The following SPTBN1 variants were observed in gnomAD, a reference collection of about 807,000 sequenced individuals.
The protein encoded by SPTBN1 is spectrin beta chain, non-erythrocytic 1.
Under a neutral mutation model 266.4 loss-of-function variants are expected in SPTBN1, and 32 were observed. The observed-to-expected ratio is 0.12, with a 90% CI of 0.09 to 0.16. SPTBN1 has a LOEUF of 0.16. SPTBN1 is among the 10% of genes least tolerant of loss of function. The pLI is 1.00. For missense variants in SPTBN1, 2,296 were observed against 3,067.1 expected, an observed-to-expected ratio of 0.75 and a Z score of 5.94; for synonymous variants, 1,336 against 1,162.2, an observed-to-expected ratio of 1.15 and a Z score of -3.04.
chr2:54,628,696 G>T lies in SPTBN1; in HGVS notation c.1799-237G>T, dbSNP rs1172902762. Among the ~76,000 whole-genome samples, 4 of 152,142 alleles carry T rather than the reference G, an allele frequency of 2.6e-5. No individual in the cohort carries two copies. Among genetic ancestry groups the T allele is most frequent in the Non-Finnish European group, 5.9e-5 (4 of 68,028 alleles). ...TGATTCAAGTGCTTTCTTGCAGGAGGATGATCACTTTGTCTGCGGTTTGGC... is the reference window on the plus strand; with the variant it reads ...TGATTCAAGTGCTTTCTTGCAGGAGTATGATCACTTTGTCTGCGGTTTGGC... On this transcript the variant is annotated intron_variant, in intron 13 of 35. Transcript: ENST00000356805. The surrounding 1 kb of genome is among the most constrained non-coding windows in gnomAD (Gnocchi z 4.3).
chr2:54,641,328 GT>G (rs1679538471), intron 18 of SPTBN1, among the ~76,000 whole-genome samples: 1 of 152,118 alleles, frequency 6.6e-6, no homozygotes, highest in African/African-American at 2.4e-5. Context: ...TCCCTCTTGG[GT>G]AAGTGGTTAT....
At chr2:54,529,574 A>C in intron 2 of SPTBN1, 1 of 717,478 alleles carries the variant, frequency 1.4e-6, no homozygotes, top group Non-Finnish European at 2.6e-6. Context: ...CTATGCTATC[A>C]TCAAGTTTCC....
intron 1 of SPTBN1, chr2:54,516,390 G>A (rs1670110991): frequency 6.6e-6 from 1 of 152,192 alleles, no homozygotes. Flanking sequence ...AGGGTTTAGA[G>A]TCATCACCTC....
intron 3 of SPTBN1, among the ~76,000 whole-genome samples, chr2:54,609,129 A>G (rs926391692): frequency 2.6e-5 from 4 of 152,248 alleles, no homozygotes; most frequent in South Asian, 4.1e-4. Context: ...GAAATAACAC[A>G]AGCAGTCTTG....
intron 1 of SPTBN1, among the ~76,000 whole-genome samples, chr2:54,485,937 G>A (rs952736260): frequency 1.3e-5 from 2 of 150,388 alleles, no homozygotes; most frequent in African/African-American, 4.9e-5. Context: ...TGAGAAGTGA[G>A]GAGACCCTCT....
rs763921592 is a variant in SPTBN1, at chr2:54,558,932, G to C, written c.148+32366G>C. 8.1e-5 allele frequency: 129 copies of C among 1,593,090 alleles called. No individual in the cohort carries two copies. The highest frequency in any genetic ancestry group is 1.1e-4 in the Non-Finnish European group (126 of 1,167,730). ...CCGGGCCTGTCCTGGGTGCCAACGG[G>C]GGTTCTTGGAGGCTTTATTTGTGAC... On this transcript the variant is annotated intron_variant, in intron 2 of 35. Transcript: ENST00000356805. This position sits in a 1 kb window ranked among gnomAD's most constrained non-coding sequence, Gnocchi z 4.6.
chr2:54,505,912 CA>C (rs1206800696), intron 1 of SPTBN1, among the ~76,000 whole-genome samples: 2 of 151,950 alleles, frequency 1.3e-5, no homozygotes, highest in African/African-American at 4.8e-5. Flanking sequence ...ATCTCGAGGT[CA>C]GGAGATCGAG....
Position 54,591,488 on chromosome 2 carries a change from C to G in SPTBN1, c.149-7604C>G, listed in dbSNP as rs142783827. Among the ~76,000 whole-genome samples the G allele has an allele frequency of 4.1e-4, 62 of 152,304 alleles. No individual in the cohort carries two copies. The East Asian group carries it at 0.011, about 27-fold the overall frequency. On this transcript the variant is annotated intron_variant, in intron 2 of 35. Coordinates refer to ENST00000356805, the MANE Select transcript of SPTBN1 (RefSeq NM_003128.3). ...TTGAAGAGCCTGATAGAAAATATTA[C>G]TGGGTTATACGTGCAGGTTCAGACT...
chr2:54,574,274 A>G lies in SPTBN1; in HGVS notation c.149-24818A>G, dbSNP rs551444315. ...GAAAGCAAGGCTTGGAGAGAATGCCATACAGTTATTAGTGTGGCGGAGCCG... is the reference window on the plus strand; with the variant it reads ...GAAAGCAAGGCTTGGAGAGAATGCCGTACAGTTATTAGTGTGGCGGAGCCG... On this transcript the variant is annotated intron_variant, in intron 2 of 35. Coordinates refer to ENST00000356805, the MANE Select transcript of SPTBN1 (RefSeq NM_003128.3). 2.0e-5 allele frequency among the ~76,000 whole-genome samples: 3 copies of G among 152,254 alleles called. No homozygotes were observed. In the South Asian group the frequency reaches 6.2e-4, roughly 32 times the overall value.
intron 26 of SPTBN1, among the ~76,000 whole-genome samples, chr2:54,651,668 C>T (rs1034434281): frequency 2.0e-5 from 3 of 152,186 alleles, no homozygotes; most frequent in Non-Finnish European, 4.4e-5. Context: ...TTGTACCTTA[C>T]ATTTTATTGC....
At chr2:54,510,452 G>C (rs577104100) in intron 1 of SPTBN1, among the ~76,000 whole-genome samples, 1 of 152,152 alleles carries the variant, frequency 6.6e-6, no homozygotes, top group Non-Finnish European at 1.5e-5. Context: ...AGCTACTGCT[G>C]GTGCCCAGCC....
At position 54,666,018 on chromosome 2, in the gene SPTBN1, G is replaced by C. The variant is rs1681344880; in HGVS notation, c.6763G>C (p.Val2255Leu). The change falls in exon 34 of 36, where the codon GTG becomes CTG. Residue 2255 changes from valine to leucine, a missense_variant. By Grantham distance (32) the Val-to-Leu change is conservative. Around this residue, in one of 12 missense-constraint regions of SPTBN1, gnomAD observed 347 missense variants for 368.5 expected, o/e 0.94. Coordinates refer to ENST00000356805, the MANE Select transcript of SPTBN1 (RefSeq NM_003128.3). ...SGIPYHSEVP[V>L]SLKEAVCEVA... ...AATTCCCTACCACAGCGAGGTCCCT[G>C]TGAGTTTGAAAGAAGCTGTCTGCGA... 1 of 1,614,008 alleles carries C rather than the reference G, an allele frequency of 6.2e-7. No individual in the cohort carries two copies. The highest frequency in any genetic ancestry group is 1.1e-5 in the South Asian group (1 of 91,074).
intron 29 of SPTBN1, 24 bp from the exon 30 acceptor site, chr2:54,657,826 A>G (rs370066994): frequency 1.7e-4 from 278 of 1,613,856 alleles, no homozygotes; most frequent in South Asian, 1.8e-4. Context: ...GTCAACGTGT[A>G]CTAACTCATG....
chr2:54,588,290 C>A (rs1202218250), intron 2 of SPTBN1, among the ~76,000 whole-genome samples: 1 of 152,134 alleles, frequency 6.6e-6, no homozygotes, highest in African/African-American at 2.4e-5. Context: ...TTTGCTGACT[C>A]CTATTTTATA....
At chr2:54,530,465 TCTG>T (rs200605820) in intron 2 of SPTBN1, among the ~76,000 whole-genome samples, 4,584 of 148,214 alleles carry the variant, frequency 0.031, 270 homozygotes, top group African/African-American at 0.11. Flanking sequence ...TTCATGCCAT[TCTG>T]CTGCCTCAGC....
intron 26 of SPTBN1, chr2:54,652,727 T>TA (rs1157001897): frequency 6.6e-6 from 1 of 152,250 alleles, no homozygotes; most frequent in African/African-American, 2.4e-5. Flanking sequence ...CTGACAAATA[T>TA]ATCATCACAC....
chr2:54,565,164 G>A (rs1479678415), intron 2 of SPTBN1, among the ~76,000 whole-genome samples: 1 of 152,180 alleles, frequency 6.6e-6, no homozygotes, highest in Non-Finnish European at 1.5e-5. Flanking sequence ...TGGTTCTGGT[G>A]CACACTAAAA....
intron 2 of SPTBN1, among the ~76,000 whole-genome samples, chr2:54,573,328 T>C (rs888498085): frequency 3.9e-5 from 6 of 152,312 alleles, no homozygotes; most frequent in Admixed American, 2.6e-4. Flanking sequence ...CCACCTCAGA[T>C]CATCAGGCAT....
At chr2:54,538,112 A>T (rs1467822877) in intron 2 of SPTBN1, among the ~76,000 whole-genome samples, 2 of 152,226 alleles carry the variant, frequency 1.3e-5, no homozygotes, top group Admixed American at 6.5e-5. Flanking sequence ...GATGTTTACC[A>T]TTGGTTGGTT....
Sources: gnomAD v4.1 joint callset for allele counts (sites outside exome capture counted in the v4.1 genomes callset) on GRCh38, gnomAD v4.1.1 for gene constraint, gnomAD v4.1.1 regional missense constraint, Gnocchi (gnomAD v3.1) non-coding constraint, MANE v1.5 for transcripts, NCBI Gene and HGNC (gene_info 2026-07-23, HGNC 2026-07-21) for gene names.